Variants in RBFOX3 observed in about 807,000 individuals in gnomAD.
RBFOX3 encodes the protein RNA binding fox-1 homolog 3, also known as RNA binding protein fox-1 homolog 3.
RBFOX3 carries 17 observed loss-of-function variants against 48.7 expected under a neutral mutation model. The ratio of observed to expected loss-of-function variants is 0.35; its 90% CI spans 0.24 to 0.52. RBFOX3 has a LOEUF of 0.52. Ranked by LOEUF, RBFOX3 falls within the 20% of genes least tolerant of loss-of-function variation. The pLI, the probability that RBFOX3 is intolerant of heterozygous loss-of-function variation, is 0.94. For missense variants in RBFOX3, 382 were observed against 497.5 expected (o/e 0.77, Z 2.21); for synonymous variants, 212 against 209.5 (o/e 1.01, Z -0.10).
At chr17:79,225,130 T>G (rs922340579) in intron 4 of RBFOX3, among the ~76,000 whole-genome samples, 4 of 152,044 alleles carry the variant, frequency 2.6e-5, no homozygotes, top group African/African-American at 9.7e-5. Flanking sequence ...CCATCCAGTC[T>G]TCAGTGAAAG....
rs2073723710 is a variant in RBFOX3, at chr17:79,090,777, T to A, written c.*106A>T. 1.5e-6 allele frequency: 2 copies of A among 1,362,816 alleles called. No individual in the cohort carries two copies. Among genetic ancestry groups the A allele is most frequent in the African/African-American group, 3.0e-5 (2 of 67,436 alleles). The allele number at this position is 1,362,816 out of a possible 1,614,324, so 84.4% of individuals were successfully genotyped here. A position where few individuals can be genotyped will look rare whatever the true frequency, so the allele number is the denominator to read the frequency against. The stretch of plus-strand genomic sequence containing the variant: ...GCCTCTTGGTTTGGTTGGTTTTTTT[T>A]TTGTTGCTTGGATCTTAACATCTTT... On this transcript the variant is annotated 3_prime_UTR_variant, in exon 15 of 15. Coordinates refer to ENST00000693108, the MANE Select transcript of RBFOX3 (RefSeq NM_001350451.2).
At chr17:79,619,652 G>T in the RBFOX3 span, among the ~76,000 whole-genome samples, 1 of 152,102 alleles carries the variant, frequency 6.6e-6, no homozygotes, top group East Asian at 1.9e-4. Flanking sequence ...GGGGATGGGG[G>T]GCAGCTCAAC....
intron 10 of RBFOX3, 66 bp downstream of exon 10, chr17:79,097,626 G>T: frequency 4.1e-6 from 5 of 1,226,998 alleles, no homozygotes; most frequent in Non-Finnish European, 5.6e-6. Flanking sequence ...CGCCCCCAGA[G>T]CCCCCGGAGC....
chr17:79,538,597 C>T (rs2089223042), intron 1 of RBFOX3, among the ~76,000 whole-genome samples: 1 of 152,252 alleles, frequency 6.6e-6, no homozygotes, highest in Non-Finnish European at 1.5e-5. Flanking sequence ...TCATCCTCGC[C>T]AGCCCCTGCC....
At chr17:79,306,551 T>C (rs897590) in intron 3 of RBFOX3, among the ~76,000 whole-genome samples, 23,276 of 152,270 alleles carry the variant, frequency 0.15, 1,914 homozygotes, top group Non-Finnish European at 0.19. Context: ...TGCCGCAGCC[T>C]CTGAGCCTGG....
chr17:79,158,551 C>T (rs761076338), intron 4 of RBFOX3, among the ~76,000 whole-genome samples: 12 of 152,224 alleles, frequency 7.9e-5, no homozygotes, highest in Non-Finnish European at 1.3e-4. Context: ...TACTCCTAAA[C>T]ACCCCAACCA....
intron 3 of RBFOX3, among the ~76,000 whole-genome samples, chr17:79,283,316 T>C (rs1205762641): frequency 1.4e-5 from 2 of 147,882 alleles, no homozygotes; most frequent in East Asian, 4.0e-4. Flanking sequence ...TCGCCCAGGC[T>C]GGAGTGCACT....
At chr17:79,399,322 G>A (rs59638501) in intron 2 of RBFOX3, among the ~76,000 whole-genome samples, 17,385 of 152,226 alleles carry the variant, frequency 0.11, 1,251 homozygotes, top group East Asian at 0.18. Flanking sequence ...CCGAGGCACC[G>A]GGAGGCAAAG....
At chr17:79,159,870 G>A (rs561219044) in intron 4 of RBFOX3, among the ~76,000 whole-genome samples, 2 of 152,358 alleles carry the variant, frequency 1.3e-5, no homozygotes, top group East Asian at 1.9e-4. Flanking sequence ...CTCATAGGAT[G>A]AGCTGCAAAA....
chr17:79,176,997 T>C (rs2050701298), intron 4 of RBFOX3, among the ~76,000 whole-genome samples: 1 of 152,092 alleles, frequency 6.6e-6, no homozygotes. Flanking sequence ...GCTGTCCCGG[T>C]CTGGGTCGGA....
intron 4 of RBFOX3, among the ~76,000 whole-genome samples, chr17:79,194,763 TGTGTG>T (rs2055232022): frequency 2.0e-5 from 3 of 149,416 alleles, no homozygotes; most frequent in Non-Finnish European, 4.4e-5. Flanking sequence ...GGTGTGTGTG[TGTGTG>T]TGTGTGTGTG....
At chr17:79,143,297 T>C (rs1416764930) in intron 4 of RBFOX3, among the ~76,000 whole-genome samples, 1 of 146,390 alleles carries the variant, frequency 6.8e-6, no homozygotes, top group Non-Finnish European at 1.5e-5. Context: ...CCCTGGAGAG[T>C]TCCCCAAGCC....
At chr17:79,448,982 C>G (rs1388061160) in intron 2 of RBFOX3, among the ~76,000 whole-genome samples, 1 of 152,074 alleles carries the variant, frequency 6.6e-6, no homozygotes, top group Non-Finnish European at 1.5e-5. Flanking sequence ...ACTTTGCCAG[C>G]CACGCTCCCC....
chr17:79,647,508 C>A, the RBFOX3 span, among the ~76,000 whole-genome samples: 4 of 152,166 alleles, frequency 2.6e-5, no homozygotes, highest in African/African-American at 4.8e-5. Flanking sequence ...AGAGTAATTA[C>A]GTCTAAACAT....
chr17:79,302,760 C>A (rs549632307), intron 3 of RBFOX3, among the ~76,000 whole-genome samples: 2 of 152,286 alleles, frequency 1.3e-5, no homozygotes, highest in East Asian at 3.9e-4. Flanking sequence ...GCTTGTTTTG[C>A]AAAGTTTTTG....
intron 2 of RBFOX3, among the ~76,000 whole-genome samples, chr17:79,420,747 G>C (rs1416853778): frequency 2.6e-5 from 4 of 152,244 alleles, no homozygotes; most frequent in African/African-American, 9.6e-5. Context: ...CCCTGCCACA[G>C]GAGGGTCAGG....
intron 3 of RBFOX3, among the ~76,000 whole-genome samples, chr17:79,261,042 G>A (rs917931833): frequency 2.6e-5 from 4 of 151,746 alleles, no homozygotes; most frequent in Non-Finnish European, 5.9e-5. Flanking sequence ...GCTGTTCCTC[G>A]CTTGCCTTCG....
chr17:79,268,790 G>A (rs140159189), intron 3 of RBFOX3, among the ~76,000 whole-genome samples: 1 of 152,026 alleles, frequency 6.6e-6, no homozygotes, highest in Non-Finnish European at 1.5e-5. Flanking sequence ...AACCTGTGCT[G>A]CCCGCTGCCT....
At chr17:79,173,489 T>C (rs1295864356) in intron 4 of RBFOX3, among the ~76,000 whole-genome samples, 3 of 152,168 alleles carry the variant, frequency 2.0e-5, no homozygotes, top group Non-Finnish European at 4.4e-5. Flanking sequence ...GGAGGGCCTA[T>C]TCTCTCTAAG....
Sources: allele counts gnomAD v4.1 joint callset (sites outside exome capture counted in the v4.1 genomes callset), GRCh38; gene constraint gnomAD v4.1.1; transcripts MANE v1.5; gene names NCBI Gene and HGNC (gene_info 2026-07-23, HGNC 2026-07-21).